The following CCDC18 variants were observed in gnomAD, a reference collection of about 807,000 sequenced individuals.
CCDC18 encodes the protein coiled-coil domain containing 18.
In CCDC18, 157 loss-of-function variants were observed where a neutral mutation model predicts 196.0. That is an observed-to-expected ratio of 0.80 (90% CI 0.70 to 0.91). The LOEUF is 0.91. CCDC18 is among the 40% of genes least tolerant of loss of function. The pLI is 0.00. For missense variants in CCDC18, 1,465 were observed against 1,611.6 expected, an observed-to-expected ratio of 0.91 and a Z score of 1.56; for synonymous variants, 482 against 529.2, an observed-to-expected ratio of 0.91 and a Z score of 1.22.
In CCDC18 at chr1:93,252,690, C is replaced by T. The variant is rs1411672955; in HGVS notation, c.3199-1781C>T. ...GTTCTTGATACTTGTAGATATGCAA[C>T]GACATCTGCATATTCAGGGACTGGG... On this transcript the variant is annotated intron_variant, in intron 23 of 28. Transcript: ENST00000690025. 9.2e-5 allele frequency among the ~76,000 whole-genome samples: 14 copies of T among 152,292 alleles called. No homozygotes were observed. The South Asian group carries it at 2.1e-3, about 23-fold the overall frequency.
intron 26 of CCDC18, chr1:93,262,350 C>CCAT (rs1663920965): frequency 6.6e-6 from 1 of 151,740 alleles, no homozygotes; most frequent in African/African-American, 2.4e-5. Flanking sequence ...GACAAGCCTT[C>CCAT]CATCTATGAG....
chr1:93,207,068 A>G, intron 8 of CCDC18, 39 bp from the exon 9 acceptor site: 1 of 1,107,912 alleles, frequency 9.0e-7, no homozygotes, highest in South Asian at 1.8e-5. Flanking sequence ...ATGAATGCAT[A>G]TATATTTTAT....
At chr1:93,242,296 G>A (rs1383768878) in intron 21 of CCDC18, among the ~76,000 whole-genome samples, 1 of 151,264 alleles carries the variant, frequency 6.6e-6, no homozygotes, top group East Asian at 1.9e-4. Context: ...CAATCATGGT[G>A]GAAGGTGAAA....
At chr1:93,237,101 A>G (rs1349126176) in intron 19 of CCDC18, among the ~76,000 whole-genome samples, 4 of 152,134 alleles carry the variant, frequency 2.6e-5, no homozygotes, top group African/African-American at 9.7e-5. Context: ...CACTAAAACC[A>G]CATGTCCCCA....
chr1:93,189,405 G>C (rs899212497), intron 4 of CCDC18, among the ~76,000 whole-genome samples: 8 of 152,096 alleles, frequency 5.3e-5, no homozygotes, highest in African/African-American at 1.9e-4. Context: ...CTAAATCTTG[G>C]CTATTGAACA....
At position 93,267,318 on chromosome 1, in the gene CCDC18, A is replaced by G. The variant is rs1268399683; in HGVS notation, c.3885+2417A>G. ...AAAATAATAAGAGCTATTTATTACAAACCCACAGCCAATATCATACTGAAT... is the reference window on the plus strand; with the variant it reads ...AAAATAATAAGAGCTATTTATTACAGACCCACAGCCAATATCATACTGAAT... On this transcript the variant is annotated intron_variant, in intron 27 of 28. Transcript: ENST00000690025. Among the ~76,000 whole-genome samples the G allele has an allele frequency of 2.6e-5, 4 of 152,324 alleles. No individual in the cohort carries two copies. The South Asian group carries it at 6.2e-4, about 24-fold the overall frequency.
At chr1:93,246,740 C>T (rs1447074658) in intron 22 of CCDC18, 98 bp from the exon 23 acceptor site, 2 of 637,174 alleles carry the variant, frequency 3.1e-6, no homozygotes, top group Non-Finnish European at 5.6e-6. Context: ...TGAGTTTATA[C>T]TTGTTATACT....
At chr1:93,245,365 A>G (rs147747516) in intron 21 of CCDC18, among the ~76,000 whole-genome samples, 96 of 152,296 alleles carry the variant, frequency 6.3e-4, no homozygotes, top group African/African-American at 2.2e-3. Context: ...AAAACAACTC[A>G]TTAAAGAAGT....
At chr1:93,218,002 A>G in intron 14 of CCDC18, 133 bp downstream of exon 14, 1 of 663,166 alleles carries the variant, frequency 1.5e-6, no homozygotes, top group East Asian at 2.6e-5. Flanking sequence ...TTAGAATCCC[A>G]ATCTTTCTGA....
rs543708810 is a variant in CCDC18, at chr1:93,254,921, T to C, written c.3342+307T>C. Reference sequence around the variant, plus strand: ...AAATATTTATTGAGAAGCTGCTATGTAATAGAATTGAGGAGTCAGCTTTTT... The same window carrying C: ...AAATATTTATTGAGAAGCTGCTATGCAATAGAATTGAGGAGTCAGCTTTTT... On this transcript the variant is annotated intron_variant, in intron 24 of 28. Transcript: ENST00000690025. Among the ~76,000 whole-genome samples the C allele has an allele frequency of 1.3e-4, 19 of 146,368 alleles. No homozygotes were observed. The South Asian group carries it at 2.5e-3, about 19-fold the overall frequency.
intron 4 of CCDC18, among the ~76,000 whole-genome samples, chr1:93,191,475 G>C: frequency 6.6e-6 from 1 of 152,042 alleles, no homozygotes; most frequent in East Asian, 1.9e-4. Context: ...CTTTTTCAGT[G>C]ATAGTTATCT....
intron 11 of CCDC18, among the ~76,000 whole-genome samples, chr1:93,213,887 A>T (rs1455688558): frequency 6.6e-6 from 1 of 152,218 alleles, no homozygotes; most frequent in African/African-American, 2.4e-5. Context: ...AGAAAGTGAA[A>T]TATTATAGAT....
chr1:93,186,748 A>T (rs2101526387), intron 4 of CCDC18, among the ~76,000 whole-genome samples: 1 of 152,076 alleles, frequency 6.6e-6, no homozygotes, highest in Non-Finnish European at 1.5e-5. Context: ...TAAGATTACC[A>T]ATTTGTGTGG....
intron 14 of CCDC18, among the ~76,000 whole-genome samples, chr1:93,220,277 T>G (rs1657192430): frequency 6.6e-6 from 1 of 152,032 alleles, no homozygotes; most frequent in Non-Finnish European, 1.5e-5. Flanking sequence ...CTATTTTATA[T>G]CCAACAAAAA....
chr1:93,201,966 A>AG lies in CCDC18; in HGVS notation c.773_774insG (p.Val259SerfsTer3). On this transcript the variant is annotated frameshift_variant, in exon 7 of 29. Coordinates refer to ENST00000690025, the MANE Select transcript of CCDC18 (RefSeq NM_001378204.1). LOFTEE classifies it high-confidence loss of function. ...AAAGCTTTCCAACAATATAAAAAAA[A>AG]AGTGGCTGAAAAACTGGAAAAGGTA... 6.2e-7 allele frequency: 1 copy of AG among 1,610,178 alleles called. No individual in the cohort carries two copies. Among genetic ancestry groups the AG allele is most frequent in the Non-Finnish European group, 8.5e-7 (1 of 1,177,948 alleles).
chr1:93,223,211 G>A (rs1026571107), intron 16 of CCDC18, among the ~76,000 whole-genome samples: 10 of 152,246 alleles, frequency 6.6e-5, no homozygotes, highest in Admixed American at 1.3e-4. Context: ...AGGTATTTCC[G>A]TGTGTTAATA....
chr1:93,269,718 T>G (rs1414907870), intron 27 of CCDC18: 1 of 152,168 alleles, frequency 6.6e-6, no homozygotes, highest in Non-Finnish European at 1.5e-5. Flanking sequence ...ATCATCTCTT[T>G]TTTTAGGCTT....
At chr1:93,199,071 A>G (rs984916000) in intron 6 of CCDC18, among the ~76,000 whole-genome samples, 3 of 152,250 alleles carry the variant, frequency 2.0e-5, no homozygotes, top group African/African-American at 4.8e-5. Flanking sequence ...GAGGGGCACA[A>G]TATGCTGTTT....
At chr1:93,258,939 T>C (rs1663408771) in intron 26 of CCDC18, 54 bp downstream of exon 26, 5 of 1,475,624 alleles carry the variant, frequency 3.4e-6, no homozygotes, top group South Asian at 2.7e-5. Flanking sequence ...GGTTGACCTA[T>C]CTGGACAAAA....
Sources: allele counts gnomAD v4.1 joint callset (sites outside exome capture counted in the v4.1 genomes callset), GRCh38; gene constraint gnomAD v4.1.1; transcripts MANE v1.5; gene names NCBI Gene and HGNC (gene_info 2026-07-23, HGNC 2026-07-21).